IL16: variants seen among roughly 807,000 people sequenced by gnomAD.
The protein encoded by IL16 is pro-interleukin-16.
A neutral mutation model predicts 110.1 loss-of-function variants in IL16; 67 were observed. The ratio of observed to expected loss-of-function variants is 0.61; its 90% CI spans 0.50 to 0.75. IL16 has a LOEUF of 0.75. Among genes scored for constraint, IL16 ranks in the 30% least tolerant of loss-of-function variants. The probability of loss-of-function intolerance (pLI) is 0.00; values close to 1 mark genes in which losing one functional copy is unlikely to be tolerated. For missense variants in IL16, 1,545 were observed against 1,655.0 expected (o/e 0.93, Z 1.15); for synonymous variants, 689 against 662.9 (o/e 1.04, Z -0.61).
At chr15:81,189,697 T>G (rs1231813236) in intron 1 of IL16, among the ~76,000 whole-genome samples, 2 of 152,192 alleles carry the variant, frequency 1.3e-5, no homozygotes, top group Non-Finnish European at 2.9e-5. Context: ...CAGGGCTTGT[T>G]GAAGCTCTTG....
chr15:81,188,776 T>C (rs570904774), intron 1 of IL16, among the ~76,000 whole-genome samples: 1 of 152,092 alleles, frequency 6.6e-6, no homozygotes, highest in South Asian at 2.1e-4. Flanking sequence ...TCTCTTCCTC[T>C]TCTCATCCCT....
intron 4 of IL16, 45 bp downstream of exon 4, chr15:81,265,846 G>T (rs1435255838): frequency 1.3e-6 from 2 of 1,567,004 alleles, no homozygotes; most frequent in African/African-American, 1.4e-5. Context: ...TTCTCCCGGG[G>T]AGAAGGGAGG....
At chr15:81,194,376 A>G (rs572243412), upstream of IL16, among the ~76,000 whole-genome samples, 9 of 152,250 alleles carry the variant, frequency 5.9e-5, no homozygotes, top group South Asian at 1.2e-3. Flanking sequence ...CACAACAAAC[A>G]TGTATTACTT....
chr15:81,289,286 C>T (rs919486921), intron 10 of IL16, among the ~76,000 whole-genome samples: 2 of 152,104 alleles, frequency 1.3e-5, no homozygotes, highest in Admixed American at 6.6e-5. Flanking sequence ...TAGGTGTGTA[C>T]CACTGCACAG....
intron 2 of IL16, among the ~76,000 whole-genome samples, chr15:81,247,081 T>TC (rs1191074831): frequency 6.9e-6 from 1 of 145,022 alleles, no homozygotes; most frequent in African/African-American, 2.5e-5. Context: ...TTTTCCTTTT[T>TC]TTTTTTTTTT....
chr15:81,283,079 G>C (rs1454485461), intron 9 of IL16, among the ~76,000 whole-genome samples: 2 of 152,244 alleles, frequency 1.3e-5, no homozygotes, highest in Non-Finnish European at 2.9e-5. Context: ...CAGGAGCGGG[G>C]TGGACAGGGT....
At chr15:81,196,143 A>G (rs1011345899), upstream of IL16, among the ~76,000 whole-genome samples, 3 of 152,230 alleles carry the variant, frequency 2.0e-5, no homozygotes, top group South Asian at 6.2e-4. Context: ...CCACTGAGTT[A>G]CATAAGCTTC....
In IL16 at chr15:81,273,219, C is replaced by T; in HGVS notation, c.790+15C>T. 6.5e-7 allele frequency: 1 copy of T among 1,546,508 alleles called. No individual in the cohort carries two copies. Among genetic ancestry groups the T allele is most frequent in the Non-Finnish European group, 8.9e-7 (1 of 1,125,650 alleles). On this transcript the variant is annotated intron_variant, in intron 6 of 18. Coordinates refer to ENST00000683961, the MANE Select transcript of IL16 (RefSeq NM_172217.5). ...GCTACAGGAAGGTAGGCTTCCCAGCCCTTTTCAGACCATGGTGGAGGAATC... is the reference window on the plus strand; with the variant it reads ...GCTACAGGAAGGTAGGCTTCCCAGCTCTTTTCAGACCATGGTGGAGGAATC...
At chr15:81,280,483 C>T (rs1211115491) in intron 8 of IL16, among the ~76,000 whole-genome samples, 4 of 152,200 alleles carry the variant, frequency 2.6e-5, no homozygotes, top group African/African-American at 9.7e-5. Flanking sequence ...GATTTCTAAG[C>T]AGGCGAGTGA....
chr15:81,248,694 T>G (rs1897652967), intron 2 of IL16, among the ~76,000 whole-genome samples: 1 of 149,716 alleles, frequency 6.7e-6, no homozygotes, highest in African/African-American at 2.4e-5. Context: ...TCTAATTCTA[T>G]TTCTGTGATT....
chr15:81,308,110 T>G (rs4778639), intron 18 of IL16, among the ~76,000 whole-genome samples: 9,283 of 152,298 alleles, frequency 0.061, 407 homozygotes, highest in East Asian at 0.18. Flanking sequence ...TCCTTTTTTA[T>G]GTGGACACAG....
intron 1 of IL16, among the ~76,000 whole-genome samples, chr15:81,189,745 A>T (rs183084270): frequency 1.3e-5 from 2 of 152,276 alleles, no homozygotes; most frequent in East Asian, 3.9e-4. Flanking sequence ...GTGGAGGTGG[A>T]AGGATGCACG....
chr15:81,294,416 A>T (rs1277444089), intron 12 of IL16, among the ~76,000 whole-genome samples: 1 of 152,202 alleles, frequency 6.6e-6, no homozygotes, highest in East Asian at 1.9e-4. Context: ...GGCCCAGAAA[A>T]GGAGTGCAGT....
upstream of IL16, among the ~76,000 whole-genome samples, chr15:81,194,048 A>G (rs1215030996): frequency 1.3e-5 from 2 of 152,172 alleles, no homozygotes; most frequent in East Asian, 1.9e-4. Context: ...TCATGATAAT[A>G]CAGTTCGCAT....
chr15:81,243,491 C>T (rs1194144754), intron 2 of IL16, among the ~76,000 whole-genome samples: 3 of 151,812 alleles, frequency 2.0e-5, no homozygotes, highest in African/African-American at 7.3e-5. Context: ...GGCCATGCAT[C>T]TATATTTATG....
intron 6 of IL16, among the ~76,000 whole-genome samples, chr15:81,273,622 C>A (rs952540154): frequency 1.3e-5 from 2 of 152,142 alleles, no homozygotes; most frequent in South Asian, 2.1e-4. Flanking sequence ...AACCCACAAC[C>A]ATAGGGAAAC....
At chr15:81,262,714 C>T (rs1898205934) in intron 3 of IL16, among the ~76,000 whole-genome samples, 1 of 152,056 alleles carries the variant, frequency 6.6e-6, no homozygotes, top group Non-Finnish European at 1.5e-5. Context: ...GGTGGATCAC[C>T]TGAGGTCAGG....
intron 2 of IL16, among the ~76,000 whole-genome samples, chr15:81,243,155 A>T (rs1897397684): frequency 5.3e-5 from 2 of 38,064 alleles, no homozygotes; most frequent in Non-Finnish European, 1.0e-4. Context: ...ATATATATAT[A>T]TATATATATT....
chr15:81,245,161 T>A (rs891770482), intron 2 of IL16, among the ~76,000 whole-genome samples: 10 of 152,336 alleles, frequency 6.6e-5, no homozygotes, highest in African/African-American at 2.4e-4. Flanking sequence ...CATCTATTGA[T>A]GGTTTTTCTT....
Sources: allele counts gnomAD v4.1 joint callset (sites outside exome capture counted in the v4.1 genomes callset), GRCh38; gene constraint gnomAD v4.1.1; transcripts MANE v1.5; gene names NCBI Gene and HGNC (gene_info 2026-07-23, HGNC 2026-07-21).